Variants in IGSF5 observed in about 807,000 individuals in gnomAD.
The protein encoded by IGSF5 is immunoglobulin superfamily member 5.
In IGSF5, 41 loss-of-function variants were observed where a neutral mutation model predicts 39.4. The observed-to-expected ratio is 1.04, with a 90% confidence interval of 0.81 to 1.35. The LOEUF (loss-of-function observed/expected upper bound fraction) is 1.35. IGSF5 is among the 40% of genes most tolerant of loss of function. The pLI, the probability that IGSF5 is intolerant of heterozygous loss-of-function variation, is 0.00. For synonymous variants in IGSF5, 183 were observed against 175.3 expected, an observed-to-expected ratio of 1.04 and a Z score of -0.34; for missense variants, 487 against 494.6, an observed-to-expected ratio of 0.98 and a Z score of 0.15.
At chr21:39,719,505 T>C in the IGSF5 span, among the ~76,000 whole-genome samples, 1 of 152,172 alleles carries the variant, frequency 6.6e-6, no homozygotes, top group African/African-American at 2.4e-5. Context: ...AGGTCAGGCA[T>C]ATGATGAATC....
At chr21:39,755,455 C>T (rs952859089) in intron 2 of IGSF5, among the ~76,000 whole-genome samples, 73 of 152,006 alleles carry the variant, frequency 4.8e-4, no homozygotes, top group Admixed American at 2.9e-3. Flanking sequence ...AGCATGGTGG[C>T]AGGTGCCTGT....
intron 7 of IGSF5, 108 bp from the exon 8 acceptor site, chr21:39,793,426 C>A: frequency 1.3e-6 from 1 of 763,588 alleles, no homozygotes; most frequent in Non-Finnish European, 2.3e-6. Context: ...AGGATTATGC[C>A]AGCGGTACTA....
chr21:39,751,626 G>C (rs7278720), intron 2 of IGSF5, among the ~76,000 whole-genome samples: 1 of 136,394 alleles, frequency 7.3e-6, no homozygotes, highest in Non-Finnish European at 1.6e-5. Flanking sequence ...ATGGGCTGGG[G>C]GGGGTGGGGT....
the IGSF5 span, among the ~76,000 whole-genome samples, chr21:39,739,800 T>C: frequency 2.6e-5 from 4 of 152,154 alleles, no homozygotes; most frequent in African/African-American, 9.7e-5. Flanking sequence ...GGACTGCATC[T>C]GGGGCTCCAT....
the IGSF5 span, among the ~76,000 whole-genome samples, chr21:39,738,013 A>G: frequency 3.3e-5 from 5 of 152,154 alleles, no homozygotes; most frequent in African/African-American, 1.2e-4. The surrounding 1 kb of genome is among the most constrained non-coding windows in gnomAD (Gnocchi z 6.4). Context: ...TGAGCCAGGA[A>G]CCATGGGTGG....
chr21:39,723,665 G>A, the IGSF5 span, among the ~76,000 whole-genome samples: 1 of 152,086 alleles, frequency 6.6e-6, no homozygotes, highest in Non-Finnish European at 1.5e-5. Flanking sequence ...AAAGGTTATG[G>A]GTCAAAAGGT....
In IGSF5 at chr21:39,792,112, GA is replaced by G; in HGVS notation, c.1048+14del. The G allele has an allele frequency of 6.4e-7, 1 of 1,572,116 alleles. No homozygotes were observed. The highest frequency in any genetic ancestry group is 1.1e-5 in the South Asian group (1 of 87,718). On this transcript the variant is annotated intron_variant, in intron 7 of 8. Coordinates refer to ENST00000380588, the MANE Select transcript of IGSF5 (RefSeq NM_001080444.2). ...CAAAAGACCACAGGTGAGTAGACAA[GA>G]GGGGTGGTGAAAAGACCTGGGAAAG...
Position 39,792,015 on chromosome 21 carries a change from G to A in IGSF5, c.964G>A (p.Glu322Lys). 1 of 1,605,184 alleles carries A rather than the reference G, an allele frequency of 6.2e-7. No homozygotes were observed. The highest frequency in any genetic ancestry group is 8.5e-7 in the Non-Finnish European group (1 of 1,174,784). ...GFRIQFQKKS[E>K]KEKTNKETET... ...AAAATGGTCTAATTGTAGGAAATCT[G>A]AAAAAGAGAAGACAAACAAAGAAAC... The change falls in exon 7 of 9, where the codon GAA (glutamate) becomes AAA (lysine). Residue 322 changes from glutamate (E) to lysine (K), a missense_variant. Physicochemically the swap from Glu to Lys is moderately conservative, Grantham distance 56. Coordinates refer to ENST00000380588, the MANE Select transcript of IGSF5 (RefSeq NM_001080444.2).
Position 39,779,322 on chromosome 21 carries a change from T to C in IGSF5, c.934+17T>C. Reference sequence around the variant, plus strand: ...GAAAAAGAGGTAATTTTTTTGTTCATTTACATTTGTACATACTTCTGAACT... The same window carrying C: ...GAAAAAGAGGTAATTTTTTTGTTCACTTACATTTGTACATACTTCTGAACT... On this transcript the variant is annotated intron_variant, in intron 5 of 8. Coordinates refer to ENST00000380588, the MANE Select transcript of IGSF5 (RefSeq NM_001080444.2). 1 of 1,609,474 alleles carries C rather than the reference T, an allele frequency of 6.2e-7. No individual in the cohort carries two copies. Among genetic ancestry groups the C allele is most frequent in the Non-Finnish European group, 8.5e-7 (1 of 1,177,252 alleles).
intron 3 of IGSF5, among the ~76,000 whole-genome samples, chr21:39,770,525 TTC>T (rs1374362403): frequency 6.6e-6 from 1 of 152,124 alleles, no homozygotes; most frequent in Non-Finnish European, 1.5e-5. Flanking sequence ...TGAAGCTCGT[TTC>T]TCTTTTTCCC....
chr21:39,735,316 T>C, the IGSF5 span, among the ~76,000 whole-genome samples: 5 of 152,322 alleles, frequency 3.3e-5, no homozygotes, highest in African/African-American at 1.2e-4. Flanking sequence ...GTATCACTTT[T>C]ATAATAAAGA....
the IGSF5 span, chr21:39,730,783 A>G: frequency 2.0e-5 from 3 of 152,212 alleles, no homozygotes; most frequent in African/African-American, 7.2e-5. Flanking sequence ...TTTGGGATTC[A>G]TTTTCAAAAC....
At chr21:39,778,562 C>T (rs1217310638) in intron 4 of IGSF5, among the ~76,000 whole-genome samples, 1 of 152,130 alleles carries the variant, frequency 6.6e-6, no homozygotes. Context: ...ATTTGAGGAT[C>T]GGGGAGCTGG....
At chr21:39,793,721 G>T (rs1022070983) in intron 8 of IGSF5, 108 bp downstream of exon 8, 1 of 869,728 alleles carries the variant, frequency 1.1e-6, no homozygotes, top group African/African-American at 1.7e-5. Context: ...CATGATGGTG[G>T]CATGTTGCCT....
rs1032926504 is a variant in IGSF5 at position 39,801,423 on chromosome 21, C to T, written c.*66C>T. On this transcript the variant is annotated 3_prime_UTR_variant, in exon 9 of 9. Transcript: ENST00000380588. ...TTCAAAACACGGCGATGGCATCCTTCCTTTCCATCCTAAGACTGGCCTGCA... is the reference window on the plus strand; with the variant it reads ...TTCAAAACACGGCGATGGCATCCTTTCTTTCCATCCTAAGACTGGCCTGCA... 1.7e-6 allele frequency: 2 copies of T among 1,163,428 alleles called. No homozygotes were observed. Among genetic ancestry groups the T allele is most frequent in the South Asian group, 1.3e-5 (1 of 78,494 alleles). 72.1% of individuals were successfully genotyped at this position (1,163,428 alleles called of 1,614,324 possible).
intron 3 of IGSF5, 69 bp from the exon 4 acceptor site, chr21:39,770,847 A>C: frequency 8.4e-7 from 1 of 1,185,790 alleles, no homozygotes. Flanking sequence ...AAAAAGAAAA[A>C]AAAAAAGAAA....
chr21:39,742,053 A>C (rs576205175), upstream of IGSF5, among the ~76,000 whole-genome samples: 1 of 151,926 alleles, frequency 6.6e-6, no homozygotes, highest in Non-Finnish European at 1.5e-5. Flanking sequence ...TTGATAGGGA[A>C]AGGAGGTGGA....
At chr21:39,791,827 G>A (rs1372652888) in intron 6 of IGSF5, 181 bp from the exon 7 acceptor site, 1 of 548,124 alleles carries the variant, frequency 1.8e-6, no homozygotes, top group African/African-American at 1.9e-5. Flanking sequence ...GGGAATGTGT[G>A]AGTAGGCAGG....
the IGSF5 span, chr21:39,726,157 C>T: frequency 6.6e-6 from 1 of 152,248 alleles, no homozygotes; most frequent in Non-Finnish European, 1.5e-5. Context: ...TGTGTGTTCA[C>T]CTCTCATGGG....
Sources: gnomAD v4.1 joint callset for allele counts (sites outside exome capture counted in the v4.1 genomes callset) on GRCh38, gnomAD v4.1.1 for gene constraint, Gnocchi (gnomAD v3.1) non-coding constraint, MANE v1.5 for transcripts, NCBI Gene and HGNC (gene_info 2026-07-23, HGNC 2026-07-21) for gene names.